DPP10: variants seen among roughly 807,000 people sequenced by gnomAD.
The protein encoded by DPP10 is dipeptidyl peptidase like 10.
In DPP10, 33 loss-of-function variants were observed where a neutral mutation model predicts 120.9. The observed-to-expected ratio is 0.27, with a 90% CI of 0.21 to 0.37. The LOEUF (loss-of-function observed/expected upper bound fraction) is 0.37, where lower values mean the gene tolerates loss of function less well. Ranked by LOEUF, DPP10 falls within the 10% of genes least tolerant of loss-of-function variation. The pLI is 1.00. For synonymous variants in DPP10, 337 were observed against 326.1 expected (o/e 1.03, Z -0.36); for missense variants, 816 against 942.8 (o/e 0.87, Z 1.76).
intron 5 of DPP10, among the ~76,000 whole-genome samples, chr2:115,562,096 C>G (rs561706117): frequency 6.6e-6 from 1 of 152,264 alleles, no homozygotes; most frequent in East Asian, 1.9e-4. Flanking sequence ...TTACTTGTTC[C>G]TCATTGCTAC....
At chr2:114,653,265 G>A (rs1234707912) in intron 1 of DPP10, among the ~76,000 whole-genome samples, 3 of 151,962 alleles carry the variant, frequency 2.0e-5, no homozygotes, top group East Asian at 3.9e-4. Context: ...AGAGGAGAAG[G>A]CCACATGATG....
chr2:114,730,186 A>C (rs1341770272), intron 1 of DPP10, among the ~76,000 whole-genome samples: 1 of 152,134 alleles, frequency 6.6e-6, no homozygotes. Context: ...AAGCATAAAG[A>C]CTCTTAGAAG....
intron 1 of DPP10, among the ~76,000 whole-genome samples, chr2:114,454,203 T>C (rs10496462): frequency 0.06 from 9,195 of 152,132 alleles, 922 homozygotes; most frequent in African/African-American, 0.21. Context: ...CAAATGGTGC[T>C]ATATGTGAAA....
chr2:115,238,832 T>C (rs1340537024), intron 1 of DPP10, among the ~76,000 whole-genome samples: 1 of 152,164 alleles, frequency 6.6e-6, no homozygotes. Flanking sequence ...ATAGGAGATA[T>C]ATATGTATAT....
intron 3 of DPP10, among the ~76,000 whole-genome samples, chr2:115,381,108 A>G (rs2066304658): frequency 6.6e-6 from 1 of 152,166 alleles, no homozygotes; most frequent in South Asian, 2.1e-4. Flanking sequence ...CTGCCTTGCT[A>G]AATTGGGGAA....
intron 4 of DPP10, among the ~76,000 whole-genome samples, chr2:115,512,254 C>A (rs1027222844): frequency 6.6e-6 from 1 of 151,986 alleles, no homozygotes; most frequent in Non-Finnish European, 1.5e-5. Flanking sequence ...GCATGAGCCA[C>A]CATGTCTAGC....
rs529719217 is a variant in DPP10, at chr2:115,178,799, A to G, written c.61-130440A>G. On this transcript the variant is annotated intron_variant, in intron 1 of 25. Coordinates refer to ENST00000410059, the MANE Select transcript of DPP10 (RefSeq NM_020868.6). ...CATTTATTTATATACATGCTTTCCA[A>G]CTTAGGATGAGGTTAGGTCCTGACA... Among the ~76,000 whole-genome samples, 15 of 152,242 alleles carry G rather than the reference A, an allele frequency of 9.9e-5. No homozygotes were observed. In the South Asian group the frequency reaches 2.3e-3, roughly 23 times the overall value.
At chr2:115,152,489 TA>T (rs1482190854) in intron 1 of DPP10, among the ~76,000 whole-genome samples, 1 of 152,196 alleles carries the variant, frequency 6.6e-6, no homozygotes, top group Non-Finnish European at 1.5e-5. Flanking sequence ...TTTGAACTTT[TA>T]GATAGGTAAA....
chr2:114,844,511 TATATATTTGCATAATGATTTCAA>T (rs1319081024), intron 1 of DPP10, among the ~76,000 whole-genome samples: 1 of 151,890 alleles, frequency 6.6e-6, no homozygotes, highest in Non-Finnish European at 1.5e-5. Flanking sequence ...GTGTTATTTG[TATATATTTGCATAATGATTTCAA>T]ATGTCCAATA....
intron 1 of DPP10, among the ~76,000 whole-genome samples, chr2:114,566,820 G>A (rs1249473585): frequency 6.6e-6 from 1 of 152,136 alleles, no homozygotes; most frequent in Non-Finnish European, 1.5e-5. Flanking sequence ...TTTTCCTCTG[G>A]AGCTGAGGCA....
chr2:114,493,446 G>T (rs927057643), intron 1 of DPP10, among the ~76,000 whole-genome samples: 1 of 152,142 alleles, frequency 6.6e-6, no homozygotes, highest in South Asian at 2.1e-4. Flanking sequence ...CAGCATGTAA[G>T]AGAGGGACTT....
chr2:115,554,388 G>A (rs749493542), intron 5 of DPP10, among the ~76,000 whole-genome samples: 2 of 151,650 alleles, frequency 1.3e-5, no homozygotes, highest in Non-Finnish European at 2.9e-5. Context: ...GACACCAGCA[G>A]CAATGTTATT....
At chr2:115,719,875 A>G (rs1265877594) in intron 7 of DPP10, among the ~76,000 whole-genome samples, 1 of 152,174 alleles carries the variant, frequency 6.6e-6, no homozygotes, top group Non-Finnish European at 1.5e-5. Context: ...CGTTCACACT[A>G]TTGAAAAACC....
At chr2:114,651,930 C>G (rs1018364195) in intron 1 of DPP10, among the ~76,000 whole-genome samples, 2 of 152,070 alleles carry the variant, frequency 1.3e-5, no homozygotes, top group African/African-American at 4.8e-5. Flanking sequence ...TGTGCTTGCC[C>G]GGAAGATGAC....
rs76874376 is a variant in DPP10, at chr2:114,869,951, A to G, written c.60+427113A>G. On this transcript the variant is annotated intron_variant, in intron 1 of 25. Coordinates refer to ENST00000410059, the MANE Select transcript of DPP10 (RefSeq NM_020868.6). The stretch of plus-strand genomic sequence containing the variant: ...TATAAAAGGCTTGTATTTACCCTCT[A>G]CGTTTCTAGATTTGAACCCTGTAAA... Among the ~76,000 whole-genome samples, 1,129 of 152,240 alleles carry G rather than the reference A, an allele frequency of 7.4e-3. 13 individuals carry two copies. Among genetic ancestry groups the G allele is most frequent in the African/African-American group, 0.026 (1,070 of 41,552 alleles).
chr2:115,381,095 G>A (rs1022205917), intron 3 of DPP10, among the ~76,000 whole-genome samples: 4 of 152,142 alleles, frequency 2.6e-5, no homozygotes, highest in Middle Eastern at 3.4e-3. Context: ...TCTGAATGTT[G>A]GCCTGCCTTG....
At chr2:115,771,516 A>C (rs961616548) in intron 13 of DPP10, among the ~76,000 whole-genome samples, 1 of 152,252 alleles carries the variant, frequency 6.6e-6, no homozygotes, top group Non-Finnish European at 1.5e-5. Context: ...AGATGTTAAA[A>C]GATACCCAGG....
At chr2:114,614,439 A>C (rs1693527641) in intron 1 of DPP10, among the ~76,000 whole-genome samples, 1 of 152,164 alleles carries the variant, frequency 6.6e-6, no homozygotes, top group Admixed American at 6.6e-5. Flanking sequence ...ATAGAAATGA[A>C]TCTCTTGTGG....
intron 1 of DPP10, among the ~76,000 whole-genome samples, chr2:114,788,491 C>G (rs1682959383): frequency 6.6e-6 from 1 of 151,738 alleles, no homozygotes; most frequent in Non-Finnish European, 1.5e-5. Flanking sequence ...TCTCAGCTCA[C>G]TGCAACTTCT....
Sources: gnomAD v4.1 joint callset for allele counts (sites outside exome capture counted in the v4.1 genomes callset) on GRCh38, gnomAD v4.1.1 for gene constraint, MANE v1.5 for transcripts, NCBI Gene and HGNC (gene_info 2026-07-23, HGNC 2026-07-21) for gene names.